GRID2: variants seen among roughly 807,000 people sequenced by gnomAD.
GRID2 encodes the protein glutamate ionotropic receptor delta type subunit 2.
In GRID2, 33 loss-of-function variants were observed where a neutral mutation model predicts 114.8. That is an observed-to-expected ratio of 0.29 (90% CI 0.22 to 0.38). The LOEUF (loss-of-function observed/expected upper bound fraction) is 0.38, where lower values mean the gene tolerates loss of function less well. GRID2 is among the 10% of genes least tolerant of loss of function. The pLI, the probability that GRID2 is intolerant of heterozygous loss-of-function variation, is 1.00. For synonymous variants in GRID2, 505 were observed against 449.9 expected, an observed-to-expected ratio of 1.12 and a Z score of -1.55; for missense variants, 1,184 against 1,257.7, an observed-to-expected ratio of 0.94 and a Z score of 0.89.
chr4:92,313,081 A>G (rs940292165), intron 1 of GRID2, among the ~76,000 whole-genome samples: 9 of 145,114 alleles, frequency 6.2e-5, no homozygotes, highest in East Asian at 2.0e-4. Flanking sequence ...AAACTCTGAT[A>G]TGTGTGTGTG....
intron 2 of GRID2, among the ~76,000 whole-genome samples, chr4:92,655,530 A>G (rs150214628): frequency 2.6e-4 from 40 of 151,780 alleles, no homozygotes; most frequent in East Asian, 2.3e-3. Flanking sequence ...TTCCATTTCT[A>G]TGTGTCCTTT....
intron 1 of GRID2, among the ~76,000 whole-genome samples, chr4:92,355,427 A>G (rs1204702843): frequency 6.6e-6 from 1 of 151,888 alleles, no homozygotes; most frequent in Non-Finnish European, 1.5e-5. Flanking sequence ...ATAGATTTTT[A>G]TGAAGTAAAT....
chr4:93,330,606 G>C (rs759449468), intron 8 of GRID2, among the ~76,000 whole-genome samples: 6 of 151,926 alleles, frequency 3.9e-5, no homozygotes, highest in Non-Finnish European at 8.8e-5. Flanking sequence ...AAAACCAAGA[G>C]TCCTACCTCA....
chr4:93,581,703 A>G (rs1251567544), intron 13 of GRID2, among the ~76,000 whole-genome samples: 1 of 152,074 alleles, frequency 6.6e-6, no homozygotes, highest in East Asian at 1.9e-4. Flanking sequence ...CTGCTAATTA[A>G]CTCAGAACTC....
At chr4:93,732,921 T>C (rs200136179) in intron 14 of GRID2, among the ~76,000 whole-genome samples, 3 of 130,322 alleles carry the variant, frequency 2.3e-5, no homozygotes, top group African/African-American at 8.8e-5. Flanking sequence ...CTTTAAAAAA[T>C]AAAAAAAAAA....
At chr4:93,019,447 C>G (rs1723070999) in intron 2 of GRID2, among the ~76,000 whole-genome samples, 1 of 152,096 alleles carries the variant, frequency 6.6e-6, no homozygotes, top group Non-Finnish European at 1.5e-5. Context: ...CTTATTTAAC[C>G]AATTGCTGTG....
intron 2 of GRID2, among the ~76,000 whole-genome samples, chr4:92,966,323 G>A (rs949837605): frequency 6.6e-6 from 1 of 151,836 alleles, no homozygotes; most frequent in African/African-American, 2.4e-5. Context: ...TTCATGTGAG[G>A]GGTCGACCCT....
intron 7 of GRID2, among the ~76,000 whole-genome samples, chr4:93,226,786 C>A (rs946527941): frequency 6.6e-6 from 1 of 152,128 alleles, no homozygotes; most frequent in African/African-American, 2.4e-5. Context: ...CAAGTCTCTG[C>A]CTGAGTCTTC....
intron 1 of GRID2, among the ~76,000 whole-genome samples, chr4:92,538,851 G>A (rs756665577): frequency 2.4e-4 from 36 of 151,982 alleles, no homozygotes; most frequent in Admixed American, 1.3e-4. Context: ...GACCATCCTG[G>A]CTAACACCAT....
chr4:93,392,597 G>A (rs1764961340), intron 8 of GRID2, among the ~76,000 whole-genome samples: 1 of 152,000 alleles, frequency 6.6e-6, no homozygotes, highest in African/African-American at 2.4e-5. Flanking sequence ...GTTAAAATGA[G>A]AAATCCAGAC....
intron 2 of GRID2, among the ~76,000 whole-genome samples, chr4:92,990,541 C>G (rs1754829389): frequency 6.6e-6 from 1 of 151,794 alleles, no homozygotes; most frequent in Non-Finnish European, 1.5e-5. Context: ...TGTTGAACTC[C>G]TGACTACAGG....
chr4:93,433,662 G>C (rs1403187391), intron 10 of GRID2, among the ~76,000 whole-genome samples: 1 of 152,120 alleles, frequency 6.6e-6, no homozygotes, highest in African/African-American at 2.4e-5. Context: ...CGCACACTGG[G>C]TTATTGATGT....
chr4:93,408,977 C>T (rs754612240), intron 9 of GRID2, among the ~76,000 whole-genome samples: 6 of 152,100 alleles, frequency 3.9e-5, no homozygotes, highest in Non-Finnish European at 8.8e-5. Context: ...ATCAGCCAGG[C>T]CAGTGGCTGA....
At chr4:92,599,426 A>G (rs1729098082) in intron 2 of GRID2, among the ~76,000 whole-genome samples, 1 of 152,218 alleles carries the variant, frequency 6.6e-6, no homozygotes, top group Non-Finnish European at 1.5e-5. Flanking sequence ...CATCTCTGGC[A>G]AATTTATATC....
intron 1 of GRID2, among the ~76,000 whole-genome samples, chr4:92,417,556 C>T (rs1357440966): frequency 2.0e-5 from 3 of 152,172 alleles, no homozygotes; most frequent in South Asian, 4.1e-4. Flanking sequence ...ACAATATCAT[C>T]GCTATTCAAC....
chr4:93,251,509 T>A, intron 8 of GRID2, among the ~76,000 whole-genome samples: 1 of 152,240 alleles, frequency 6.6e-6, no homozygotes, highest in East Asian at 1.9e-4. Context: ...TCCAATTTTT[T>A]AAACTTTAAA....
chr4:93,519,765 T>C (rs1371093075), intron 13 of GRID2, among the ~76,000 whole-genome samples: 1 of 152,118 alleles, frequency 6.6e-6, no homozygotes, highest in Non-Finnish European at 1.5e-5. Context: ...ATGGATACCA[T>C]AGTAACAGGG....
intron 2 of GRID2, among the ~76,000 whole-genome samples, chr4:93,065,405 A>G (rs1392214870): frequency 2.0e-5 from 3 of 152,052 alleles, no homozygotes; most frequent in Non-Finnish European, 1.5e-5. Flanking sequence ...TCAAGCTGAT[A>G]GCTTTAATTA....
chr4:92,668,526 C>T (rs1732895083), intron 2 of GRID2, among the ~76,000 whole-genome samples: 1 of 151,688 alleles, frequency 6.6e-6, no homozygotes, highest in African/African-American at 2.4e-5. Context: ...ATACCCTTAC[C>T]TTAAATTTTA....
Sources: gnomAD v4.1 joint callset for allele counts (sites outside exome capture counted in the v4.1 genomes callset) on GRCh38, gnomAD v4.1.1 for gene constraint, MANE v1.5 for transcripts, NCBI Gene and HGNC (gene_info 2026-07-23, HGNC 2026-07-21) for gene names.